Variants in HORMAD2 observed in about 807,000 individuals in gnomAD.
HORMAD2 encodes the protein HORMA domain-containing protein 2.
In HORMAD2, 45 loss-of-function variants were observed where a neutral mutation model predicts 38.8. The ratio of observed to expected loss-of-function variants is 1.16; its 90% confidence interval spans 0.91 to 1.49. The LOEUF (loss-of-function observed/expected upper bound fraction) is 1.49, where lower values mean the gene tolerates loss of function less well. HORMAD2 is among the 40% of genes most tolerant of loss of function. The pLI is 0.00. For missense variants in HORMAD2, 338 were observed against 367.0 expected (o/e 0.92, Z 0.65); for synonymous variants, 126 against 122.8 (o/e 1.03, Z -0.17).
intron 10 of HORMAD2, among the ~76,000 whole-genome samples, chr22:30,165,505 A>G (rs1925721717): frequency 6.6e-6 from 1 of 152,206 alleles, no homozygotes; most frequent in South Asian, 2.1e-4. Flanking sequence ...TAGTATTGAC[A>G]TCTTAACCAT....
At chr22:30,146,005 A>T (rs1853858124) in intron 10 of HORMAD2, among the ~76,000 whole-genome samples, 1 of 152,210 alleles carries the variant, frequency 6.6e-6, no homozygotes, top group Admixed American at 6.5e-5. Context: ...AATTGAATCC[A>T]GCAATATATG....
chr22:30,142,032 T>C (rs1924114469), intron 10 of HORMAD2, among the ~76,000 whole-genome samples: 1 of 152,098 alleles, frequency 6.6e-6, no homozygotes, highest in Non-Finnish European at 1.5e-5. Flanking sequence ...AGAGAATGGC[T>C]TGAGGTGAGG....
chr22:30,157,272 T>C (rs936980400), intron 10 of HORMAD2, among the ~76,000 whole-genome samples: 5 of 152,216 alleles, frequency 3.3e-5, no homozygotes, highest in Non-Finnish European at 7.3e-5. Context: ...AAACTGCTGA[T>C]GACCTCATGA....
intron 1 of HORMAD2, among the ~76,000 whole-genome samples, chr22:30,087,153 G>T (rs1164671911): frequency 6.6e-6 from 1 of 152,132 alleles, no homozygotes; most frequent in Non-Finnish European, 1.5e-5. Context: ...GAGCCACTGC[G>T]CCTGGCCTAC....
intron 10 of HORMAD2, among the ~76,000 whole-genome samples, chr22:30,141,065 T>C (rs1924035073): frequency 6.6e-6 from 1 of 152,162 alleles, no homozygotes; most frequent in Non-Finnish European, 1.5e-5. Context: ...TGGAATGACC[T>C]CGGCTCACTG....
At chr22:30,141,982 G>C (rs1233777449) in intron 10 of HORMAD2, among the ~76,000 whole-genome samples, 2 of 152,156 alleles carry the variant, frequency 1.3e-5, no homozygotes, top group African/African-American at 4.8e-5. Context: ...GGGTGCGATA[G>C]CTCTTACCTG....
chr22:30,133,640 A>G (rs1033077867), intron 10 of HORMAD2, among the ~76,000 whole-genome samples: 11 of 151,074 alleles, frequency 7.3e-5, no homozygotes, highest in African/African-American at 2.7e-4. Context: ...AACTGTTAAA[A>G]ACAAAAAACA....
chr22:30,204,280 C>T, the HORMAD2 span, among the ~76,000 whole-genome samples: 1 of 152,182 alleles, frequency 6.6e-6, no homozygotes, highest in Admixed American at 6.5e-5. Flanking sequence ...ACCCAAGAGC[C>T]AGCACCCTGG....
chr22:30,189,624 C>T, the HORMAD2 span, among the ~76,000 whole-genome samples: 6 of 152,252 alleles, frequency 3.9e-5, no homozygotes, highest in Middle Eastern at 3.4e-3. Flanking sequence ...GTACATGGCA[C>T]GTGTACCATG....
chr22:30,199,850 C>G, the HORMAD2 span, among the ~76,000 whole-genome samples: 1 of 151,820 alleles, frequency 6.6e-6, no homozygotes, highest in Non-Finnish European at 1.5e-5. Flanking sequence ...TGGCTTATGC[C>G]TGTAATCTCA....
chr22:30,117,204 G>C (rs1230691741), intron 7 of HORMAD2, among the ~76,000 whole-genome samples: 1 of 152,174 alleles, frequency 6.6e-6, no homozygotes, highest in African/African-American at 2.4e-5. Context: ...AGAGCTGGGA[G>C]GCTTAAAGTA....
At chr22:30,159,186 C>T (rs1925291848) in intron 10 of HORMAD2, among the ~76,000 whole-genome samples, 1 of 152,084 alleles carries the variant, frequency 6.6e-6, no homozygotes, top group African/African-American at 2.4e-5. Flanking sequence ...AACTCTTAAT[C>T]ATTGAATTTT....
At chr22:30,170,362 T>A (rs1317709502) in intron 10 of HORMAD2, among the ~76,000 whole-genome samples, 1 of 152,164 alleles carries the variant, frequency 6.6e-6, no homozygotes, top group Non-Finnish European at 1.5e-5. Context: ...GCAAAACAAG[T>A]ACCGTGCCCT....
intron 10 of HORMAD2, among the ~76,000 whole-genome samples, chr22:30,166,854 A>G (rs1222232989): frequency 6.6e-6 from 1 of 152,230 alleles, no homozygotes; most frequent in Non-Finnish European, 1.5e-5. Flanking sequence ...CAAAATTTAA[A>G]AGAAAGAAAG....
intron 10 of HORMAD2, among the ~76,000 whole-genome samples, chr22:30,146,731 A>T (rs376074861): frequency 1.3e-5 from 2 of 152,188 alleles, no homozygotes; most frequent in African/African-American, 4.8e-5. Flanking sequence ...AGGTATATAG[A>T]TTGGAAAGGA....
intron 7 of HORMAD2, 61 bp from the exon 8 acceptor site, chr22:30,118,919 G>A: frequency 8.8e-7 from 1 of 1,137,244 alleles, no homozygotes; most frequent in East Asian, 2.6e-5. Flanking sequence ...TTATGATCAG[G>A]TAAGATTCTG....
downstream of HORMAD2, among the ~76,000 whole-genome samples, chr22:30,178,767 A>T (rs190336548): frequency 6.6e-6 from 1 of 152,330 alleles, no homozygotes; most frequent in East Asian, 1.9e-4. Context: ...CAAAGATTAG[A>T]TGATGATAGT....
chr22:30,135,590 A>T (rs1923594771), intron 10 of HORMAD2, among the ~76,000 whole-genome samples: 1 of 152,160 alleles, frequency 6.6e-6, no homozygotes, highest in Non-Finnish European at 1.5e-5. Context: ...AAACTCCACA[A>T]GCCTGGACAA....
At chr22:30,114,649 C>G (rs1280764254) in intron 7 of HORMAD2, among the ~76,000 whole-genome samples, 1 of 152,170 alleles carries the variant, frequency 6.6e-6, no homozygotes, top group Non-Finnish European at 1.5e-5. Flanking sequence ...TTATATATGC[C>G]TGAAGCAAAA....
Sources: gnomAD v4.1 joint callset for allele counts (sites outside exome capture counted in the v4.1 genomes callset) on GRCh38, gnomAD v4.1.1 for gene constraint, MANE v1.5 for transcripts, NCBI Gene and HGNC (gene_info 2026-07-23, HGNC 2026-07-21) for gene names.